KHDRBS2: variants seen among roughly 807,000 people sequenced by gnomAD.
KHDRBS2 encodes the protein KH domain-containing, RNA-binding, signal transduction-associated protein 2.
A neutral mutation model predicts 44.3 loss-of-function variants in KHDRBS2; 26 were observed. The observed-to-expected ratio is 0.59, with a 90% CI of 0.43 to 0.81. KHDRBS2 has a LOEUF of 0.81. Ranked by LOEUF, KHDRBS2 falls within the 40% of genes least tolerant of loss-of-function variation. The pLI is 0.00. For missense variants in KHDRBS2, 476 were observed against 433.1 expected, an observed-to-expected ratio of 1.10 and a Z score of -0.88; for synonymous variants, 194 against 151.1, an observed-to-expected ratio of 1.28 and a Z score of -2.08.
chr6:61,668,732 A>T, the KHDRBS2 span, among the ~76,000 whole-genome samples: 1 of 150,982 alleles, frequency 6.6e-6, no homozygotes, highest in Non-Finnish European at 1.5e-5. Flanking sequence ...TTTAAGCTAC[A>T]TTCTTTTTCT....
At chr6:61,750,414 T>A (rs1290929682) in intron 6 of KHDRBS2, among the ~76,000 whole-genome samples, 1 of 152,192 alleles carries the variant, frequency 6.6e-6, no homozygotes, top group Admixed American at 6.5e-5. Context: ...TCTAACTGGA[T>A]TTCTGTTCAA....
chr6:62,181,890 C>A (rs1400617949), intron 1 of KHDRBS2, among the ~76,000 whole-genome samples: 2 of 152,096 alleles, frequency 1.3e-5, no homozygotes, highest in African/African-American at 2.4e-5. Flanking sequence ...AGCTACATGG[C>A]AGCATCCACA....
chr6:61,715,361 A>G (rs1020080552), intron 7 of KHDRBS2, among the ~76,000 whole-genome samples: 2 of 151,854 alleles, frequency 1.3e-5, no homozygotes, highest in Non-Finnish European at 2.9e-5. Flanking sequence ...CTATCCCAAT[A>G]CCACTTTTTT....
chr6:61,845,396 G>A (rs1457171050), intron 6 of KHDRBS2, among the ~76,000 whole-genome samples: 4 of 144,860 alleles, frequency 2.8e-5, no homozygotes, highest in Admixed American at 1.4e-4. Context: ...TGCAACCTCC[G>A]CCTCCCGGGT....
the KHDRBS2 span, among the ~76,000 whole-genome samples, chr6:61,617,456 A>G: frequency 6.6e-6 from 1 of 152,144 alleles, no homozygotes; most frequent in Non-Finnish European, 1.5e-5. Flanking sequence ...TAAAATAATG[A>G]CATGATTATT....
intron 2 of KHDRBS2, among the ~76,000 whole-genome samples, chr6:62,114,927 T>C (rs1338769722): frequency 6.6e-6 from 1 of 152,120 alleles, no homozygotes; most frequent in Non-Finnish European, 1.5e-5. Flanking sequence ...TGAGAAAACA[T>C]GGTATTTAAT....
intron 4 of KHDRBS2, among the ~76,000 whole-genome samples, chr6:61,967,945 TATATATATATATAC>T (rs1562548676): frequency 6.1e-5 from 7 of 114,670 alleles, no homozygotes; most frequent in Non-Finnish European, 1.3e-4. Flanking sequence ...TATATATATA[TATATATATATATAC>T]ACACACACAC....
At chr6:62,060,136 C>T (rs1177758880) in intron 2 of KHDRBS2, among the ~76,000 whole-genome samples, 1 of 151,622 alleles carries the variant, frequency 6.6e-6, no homozygotes, top group Non-Finnish European at 1.5e-5. Flanking sequence ...GAGAAAACCC[C>T]AAGAGCGTAA....
chr6:62,200,885 C>T (rs1156371258), intron 1 of KHDRBS2, among the ~76,000 whole-genome samples: 1 of 150,790 alleles, frequency 6.6e-6, no homozygotes, highest in African/African-American at 2.5e-5. Flanking sequence ...CACATATACA[C>T]CATGGAATAC....
At chr6:62,036,146 G>C (rs1785238154) in intron 3 of KHDRBS2, among the ~76,000 whole-genome samples, 1 of 151,892 alleles carries the variant, frequency 6.6e-6, no homozygotes, top group Admixed American at 6.6e-5. Context: ...TATTTGCAGA[G>C]AGCTGTCAAA....
At chr6:61,711,994 C>T (rs1770581860) in intron 7 of KHDRBS2, among the ~76,000 whole-genome samples, 1 of 151,780 alleles carries the variant, frequency 6.6e-6, no homozygotes, top group Admixed American at 6.6e-5. Context: ...GTACTCTGTT[C>T]TAGCTATGCA....
At chr6:62,030,205 A>G (rs757486158) in intron 3 of KHDRBS2, among the ~76,000 whole-genome samples, 11 of 152,102 alleles carry the variant, frequency 7.2e-5, no homozygotes, top group Non-Finnish European at 1.5e-4. Flanking sequence ...CTGGTGTACT[A>G]GTAATAAGAC....
intron 4 of KHDRBS2, among the ~76,000 whole-genome samples, chr6:61,905,778 A>G (rs1804869614): frequency 6.6e-6 from 1 of 151,948 alleles, no homozygotes; most frequent in Admixed American, 6.6e-5. Flanking sequence ...TGATTAGACA[A>G]TCAAAACATA....
the KHDRBS2 span, among the ~76,000 whole-genome samples, chr6:61,608,053 T>C: frequency 3.9e-5 from 6 of 152,128 alleles, no homozygotes; most frequent in Non-Finnish European, 8.8e-5. Context: ...ATGCAATTCC[T>C]CCCTAAATCC....
chr6:61,708,624 T>C (rs1476246629), intron 7 of KHDRBS2, among the ~76,000 whole-genome samples: 1 of 151,712 alleles, frequency 6.6e-6, no homozygotes, highest in African/African-American at 2.4e-5. Context: ...TACAGGGCAG[T>C]CATGTTTGTG....
At chr6:61,601,336 C>A in the KHDRBS2 span, among the ~76,000 whole-genome samples, 1 of 152,086 alleles carries the variant, frequency 6.6e-6, no homozygotes, top group African/African-American at 2.4e-5. Flanking sequence ...CTTCCACCCT[C>A]CATTCCTCCT....
intron 1 of KHDRBS2, among the ~76,000 whole-genome samples, chr6:62,269,914 T>C (rs1839799958): frequency 1.3e-5 from 2 of 152,068 alleles, no homozygotes; most frequent in Admixed American, 1.3e-4. Context: ...AGAAATAAAC[T>C]ATTAATAAAT....
At chr6:61,782,939 T>C (rs1013472338) in intron 6 of KHDRBS2, among the ~76,000 whole-genome samples, 9 of 151,634 alleles carry the variant, frequency 5.9e-5, no homozygotes, top group South Asian at 2.1e-4. Context: ...ACAAGAATAT[T>C]CCATGTCTTT....
intron 5 of KHDRBS2, among the ~76,000 whole-genome samples, chr6:61,900,846 A>T (rs1803850795): frequency 6.6e-6 from 1 of 152,190 alleles, no homozygotes; most frequent in African/African-American, 2.4e-5. Context: ...TGAAGAGGTG[A>T]ATAGTTGTAT....
Sources: gnomAD v4.1 joint callset for allele counts (sites outside exome capture counted in the v4.1 genomes callset) on GRCh38, gnomAD v4.1.1 for gene constraint, MANE v1.5 for transcripts, NCBI Gene and HGNC (gene_info 2026-07-23, HGNC 2026-07-21) for gene names.